Variants in ADGRL2 observed in about 807,000 individuals in gnomAD.
ADGRL2 encodes the protein adhesion G protein-coupled receptor L2, also known as calcium-independent alpha-latrotoxin receptor 2.
Under a neutral mutation model 157.4 loss-of-function variants are expected in ADGRL2, and 44 were observed. That is an observed-to-expected ratio of 0.28 (90% CI 0.22 to 0.36). The LOEUF (loss-of-function observed/expected upper bound fraction) is 0.36, where lower values mean the gene tolerates loss of function less well. ADGRL2 is among the 10% of genes least tolerant of loss of function. The pLI is 1.00. For synonymous variants in ADGRL2, 585 were observed against 624.7 expected (o/e 0.94, Z 0.95); for missense variants, 1,510 against 1,768.9 (o/e 0.85, Z 2.63).
At chr1:81,757,226 A>G (rs1229179029) in intron 1 of ADGRL2, among the ~76,000 whole-genome samples, 1 of 152,170 alleles carries the variant, frequency 6.6e-6, no homozygotes, top group Admixed American at 6.6e-5. Context: ...GTTTGATTTG[A>G]AAGGGTCTGG....
intron 2 of ADGRL2, among the ~76,000 whole-genome samples, chr1:81,779,357 C>T (rs2149375446): frequency 6.7e-6 from 1 of 150,118 alleles, no homozygotes; most frequent in African/African-American, 2.4e-5. Flanking sequence ...ACTGAACCAA[C>T]AGGAAGAAAC....
At chr1:81,458,610 G>A (rs779614626) in intron 2 of ADGRL2, among the ~76,000 whole-genome samples, 6 of 152,278 alleles carry the variant, frequency 3.9e-5, no homozygotes, top group African/African-American at 1.2e-4. Context: ...CCCAGATCCC[G>A]TGCCTGCCAT....
At chr1:81,450,724 A>C (rs1211862491) in intron 2 of ADGRL2, among the ~76,000 whole-genome samples, 1 of 152,066 alleles carries the variant, frequency 6.6e-6, no homozygotes, top group Admixed American at 6.6e-5. Context: ...TTTTGCAAGC[A>C]GATGGGCTAC....
chr1:81,687,321 C>G (rs1384990149), intron 3 of ADGRL2, among the ~76,000 whole-genome samples: 1 of 152,118 alleles, frequency 6.6e-6, no homozygotes, highest in Admixed American at 6.6e-5. Context: ...TTTGGGAGCA[C>G]TAGTATTAGG....
intron 2 of ADGRL2, among the ~76,000 whole-genome samples, chr1:81,849,144 G>A (rs1240638120): frequency 1.3e-5 from 2 of 151,852 alleles, no homozygotes; most frequent in Non-Finnish European, 2.9e-5. Flanking sequence ...GCCTTTGAGA[G>A]CTGTCACTCC....
At chr1:81,950,161 G>A in intron 6 of ADGRL2, 28 bp from the exon 7 acceptor site, 5 of 1,599,488 alleles carry the variant, frequency 3.1e-6, no homozygotes, top group Non-Finnish European at 4.3e-6. Flanking sequence ...GTGTGTTTGA[G>A]ATTAATATAC....
At chr1:81,975,881 G>C (rs897480133) in intron 17 of ADGRL2, among the ~76,000 whole-genome samples, 1 of 151,934 alleles carries the variant, frequency 6.6e-6, no homozygotes, top group Admixed American at 6.6e-5. Context: ...AAGTAAGAAA[G>C]GGGAAAAAAT....
chr1:81,799,305 T>G (rs200571748), upstream of ADGRL2, among the ~76,000 whole-genome samples: 2 of 151,872 alleles, frequency 1.3e-5, no homozygotes, highest in Non-Finnish European at 1.5e-5. Context: ...TAAGTGTGTA[T>G]GTAGTTTAAA....
intron 1 of ADGRL2, among the ~76,000 whole-genome samples, chr1:81,353,612 T>C (rs114787850): frequency 0.023 from 3,540 of 152,154 alleles, 62 homozygotes; most frequent in Non-Finnish European, 0.036. Flanking sequence ...GATATGATGA[T>C]TGATTGGATG....
At chr1:81,870,034 C>T (rs1037295804) in intron 2 of ADGRL2, among the ~76,000 whole-genome samples, 3 of 137,964 alleles carry the variant, frequency 2.2e-5, no homozygotes, top group African/African-American at 7.5e-5. Flanking sequence ...AACAAAATAA[C>T]ACTTAAAGAC....
intron 2 of ADGRL2, among the ~76,000 whole-genome samples, chr1:81,785,085 A>G (rs1192259436): frequency 6.6e-6 from 1 of 152,184 alleles, no homozygotes; most frequent in Non-Finnish European, 1.5e-5. Context: ...CATATTTGCC[A>G]ACATTAGTTT....
chr1:81,960,678 A>G (rs1417590387), intron 11 of ADGRL2, among the ~76,000 whole-genome samples: 1 of 151,780 alleles, frequency 6.6e-6, no homozygotes, highest in African/African-American at 2.4e-5. Context: ...TTTCACTATG[A>G]TGGCCAGGCT....
At chr1:81,507,927 A>C (rs1302846336) in intron 2 of ADGRL2, among the ~76,000 whole-genome samples, 1 of 118,608 alleles carries the variant, frequency 8.4e-6, no homozygotes, top group African/African-American at 5.9e-5. Context: ...ATTTAAAGAC[A>C]GGAAAAAATA....
chr1:81,537,277 T>G (rs999936486), intron 2 of ADGRL2, among the ~76,000 whole-genome samples: 12 of 152,104 alleles, frequency 7.9e-5, no homozygotes, highest in Non-Finnish European at 1.0e-4. Context: ...TATTTCTTTT[T>G]TTTGTTTGTT....
At chr1:81,709,199 T>A (rs2083842517) in intron 1 of ADGRL2, among the ~76,000 whole-genome samples, 1 of 152,150 alleles carries the variant, frequency 6.6e-6, no homozygotes, top group Non-Finnish European at 1.5e-5. Flanking sequence ...ATAAAAGTAA[T>A]TGTGGTATTT....
chr1:81,394,269 T>A (rs983646235), intron 1 of ADGRL2, among the ~76,000 whole-genome samples: 8 of 152,208 alleles, frequency 5.3e-5, no homozygotes, highest in African/African-American at 1.9e-4. Context: ...AATTGTTATT[T>A]ATAGTCACTA....
chr1:81,475,465 A>C (rs139125759), intron 2 of ADGRL2, among the ~76,000 whole-genome samples: 11 of 152,304 alleles, frequency 7.2e-5, no homozygotes, highest in Non-Finnish European at 7.3e-5. Context: ...AGATTTTTAA[A>C]GCATTTATGC....
intron 2 of ADGRL2, among the ~76,000 whole-genome samples, chr1:81,543,897 T>C (rs2079950425): frequency 6.6e-6 from 1 of 152,200 alleles, no homozygotes; most frequent in Non-Finnish European, 1.5e-5. Flanking sequence ...AGTTTCTCAA[T>C]ACACCAGGAA....
At chr1:81,456,809 A>C (rs531158717) in intron 2 of ADGRL2, among the ~76,000 whole-genome samples, 1 of 152,190 alleles carries the variant, frequency 6.6e-6, no homozygotes, top group South Asian at 2.1e-4. Flanking sequence ...CAGTTTATAT[A>C]AGAACTTGTT....
Sources: allele counts gnomAD v4.1 joint callset (sites outside exome capture counted in the v4.1 genomes callset), GRCh38; gene constraint gnomAD v4.1.1; transcripts MANE v1.5; gene names NCBI Gene and HGNC (gene_info 2026-07-23, HGNC 2026-07-21).